FOXK1: variants seen among roughly 807,000 people sequenced by gnomAD.
FOXK1 encodes the protein forkhead box K1, also known as forkhead box protein K1.
Under a neutral mutation model 51.9 loss-of-function variants are expected in FOXK1, and 19 were observed. That is an observed-to-expected ratio of 0.37 (90% CI 0.26 to 0.54). FOXK1 has a LOEUF of 0.54. FOXK1 is among the 20% of genes least tolerant of loss of function. The probability of loss-of-function intolerance (pLI) is 0.87; values close to 1 mark genes in which losing one functional copy is unlikely to be tolerated. For missense variants in FOXK1, 870 were observed against 1,032.7 expected (o/e 0.84, Z 2.16); for synonymous variants, 537 against 482.6 (o/e 1.11, Z -1.48).
intron 1 of FOXK1, among the ~76,000 whole-genome samples, chr7:4,736,146 T>G (rs1226240329): frequency 6.6e-6 from 1 of 152,082 alleles, no homozygotes; most frequent in Non-Finnish European, 1.5e-5. Context: ...GAGACTCTGT[T>G]TCAAAAAATA....
chr7:4,757,745 G>A (rs367546792), intron 5 of FOXK1, among the ~76,000 whole-genome samples: 4 of 151,638 alleles, frequency 2.6e-5, no homozygotes, highest in Admixed American at 1.3e-4. Flanking sequence ...GTAACCTGGC[G>A]ATGATTTAAA....
At chr7:4,693,045 A>G (rs1779913790) in intron 1 of FOXK1, among the ~76,000 whole-genome samples, 1 of 152,090 alleles carries the variant, frequency 6.6e-6, no homozygotes, top group Non-Finnish European at 1.5e-5. Flanking sequence ...CTGCTATAAT[A>G]TCCGTAGATG....
chr7:4,757,664 A>AAAG (rs1780873748), intron 5 of FOXK1, among the ~76,000 whole-genome samples: 1 of 146,464 alleles, frequency 6.8e-6, no homozygotes, highest in Non-Finnish European at 1.5e-5. Context: ...AAAAAAAAAA[A>AAAG]GTAATACAAA....
At position 4,747,451 on chromosome 7, in the gene FOXK1, G is replaced by A. The variant is rs1357289001; in HGVS notation, c.746+6428G>A. 6.6e-6 allele frequency among the ~76,000 whole-genome samples: 1 copy of A among 152,180 alleles called. No homozygotes were observed. Among genetic ancestry groups the A allele is most frequent in the Non-Finnish European group, 1.5e-5 (1 of 68,024 alleles). The stretch of plus-strand genomic sequence containing the variant: ...CTGGTTATTCTCACCAGGGCAAAGT[G>A]CACTTCAGAAACAAGTTAATTTTAT... On this transcript the variant is annotated intron_variant, in intron 2 of 8. Transcript: ENST00000328914. This position sits in a 1 kb window ranked among gnomAD's most constrained non-coding sequence, Gnocchi z 9.2.
intron 7 of FOXK1, among the ~76,000 whole-genome samples, chr7:4,760,320 A>G (rs56101000): frequency 0.16 from 24,359 of 152,184 alleles, 2,238 homozygotes; most frequent in African/African-American, 0.25. Flanking sequence ...GACACTGAAC[A>G]TGCAGCTGAC....
intron 1 of FOXK1, among the ~76,000 whole-genome samples, chr7:4,700,245 C>A (rs1480721791): frequency 1.3e-5 from 2 of 152,202 alleles, no homozygotes; most frequent in African/African-American, 4.8e-5. Context: ...AGCCTCAGTA[C>A]ATACCAATAT....
At chr7:4,693,488 A>G (rs891549790) in intron 1 of FOXK1, among the ~76,000 whole-genome samples, 3 of 152,220 alleles carry the variant, frequency 2.0e-5, no homozygotes, top group Admixed American at 6.5e-5. Flanking sequence ...TACAGTTAGT[A>G]TATTTTTTTA....
At chr7:4,739,400 G>C (rs1424914636) in intron 1 of FOXK1, among the ~76,000 whole-genome samples, 1 of 151,602 alleles carries the variant, frequency 6.6e-6, no homozygotes, top group African/African-American at 2.4e-5. Flanking sequence ...GCTTTACATT[G>C]TTTTTGTTTT....
chr7:4,687,878 A>AT (rs1181183446), intron 1 of FOXK1, among the ~76,000 whole-genome samples: 3 of 152,016 alleles, frequency 2.0e-5, no homozygotes, highest in Non-Finnish European at 4.4e-5. Flanking sequence ...TCTGAAGTGA[A>AT]TGTGGTTACT....
At position 4,755,451 on chromosome 7, in the gene FOXK1, T is replaced by C. The variant is rs1312250085; in HGVS notation, c.1050+68T>C. ...TAGAACATGGAACTCACAGGCATAT[T>C]GCTTCCCTTAAAACAGAAGAGGGCC... On this transcript the variant is annotated intron_variant, in intron 4 of 8. Coordinates refer to ENST00000328914, the MANE Select transcript of FOXK1 (RefSeq NM_001037165.2). The surrounding 1 kb of genome is among the most constrained non-coding windows in gnomAD (Gnocchi z 6.6). 7 of 1,580,784 alleles carry C rather than the reference T, an allele frequency of 4.4e-6. No individual in the cohort carries two copies. In the Admixed American group the frequency reaches 1.2e-4, roughly 27 times the overall value.
rs1022148180 is a variant in FOXK1 at position 4,756,470 on chromosome 7, C to T, written c.1051-524C>T. On this transcript the variant is annotated intron_variant, in intron 4 of 8. Coordinates refer to ENST00000328914, the MANE Select transcript of FOXK1 (RefSeq NM_001037165.2). This position sits in a 1 kb window ranked among gnomAD's most constrained non-coding sequence, Gnocchi z 4.1. ...TGCTCCTAGACCAGGATCTGTCTTTCTGTTTCACTTTTTCTGTAAAGAATG... is the reference window on the plus strand; with the variant it reads ...TGCTCCTAGACCAGGATCTGTCTTTTTGTTTCACTTTTTCTGTAAAGAATG... Among the ~76,000 whole-genome samples, 8 of 150,986 alleles carry T rather than the reference C, an allele frequency of 5.3e-5. No homozygotes were observed. The highest frequency in any genetic ancestry group is 7.4e-5 in the Non-Finnish European group (5 of 67,812).
Position 4,731,652 on chromosome 7 carries a change from C to T in FOXK1, c.561-9186C>T, listed in dbSNP as rs534151462. On this transcript the variant is annotated intron_variant, in intron 1 of 8. Transcript: ENST00000328914. The surrounding 1 kb of genome is among the most constrained non-coding windows in gnomAD (Gnocchi z 5.3). ...GTGGGCACCTGTAATCCCAGCTACT[C>T]GGGAGGCTGAGGCAGGAGAATCGCT... Among the ~76,000 whole-genome samples the T allele has an allele frequency of 5.1e-4, 77 of 150,470 alleles. No individual in the cohort carries two copies. The highest frequency in any genetic ancestry group is 1.8e-3 in the African/African-American group (74 of 40,896).
chr7:4,705,379 G>T (rs1562372538), intron 1 of FOXK1, among the ~76,000 whole-genome samples: 2 of 150,992 alleles, frequency 1.3e-5, no homozygotes, highest in South Asian at 4.2e-4. Context: ...ACAGGGTCTT[G>T]GTATGTTGCC....
chr7:4,759,630 C>A (rs1381592060), intron 7 of FOXK1, 35 bp downstream of exon 7: 2 of 1,514,456 alleles, frequency 1.3e-6, no homozygotes, highest in South Asian at 1.2e-5. Flanking sequence ...TTCGCAGGAC[C>A]CTTTGTGGTG....
Position 4,733,408 on chromosome 7 carries a change from A to C in FOXK1, c.561-7430A>C, listed in dbSNP as rs535295694. ...TACGTTGCTTGTTGCTCCGTTATGCAGTGTGCCTTTATGGTCCACTGTGGC... is the reference window on the plus strand; with the variant it reads ...TACGTTGCTTGTTGCTCCGTTATGCCGTGTGCCTTTATGGTCCACTGTGGC... On this transcript the variant is annotated intron_variant, in intron 1 of 8. Transcript: ENST00000328914. This position sits in a 1 kb window ranked among gnomAD's most constrained non-coding sequence, Gnocchi z 5.0. 6.6e-6 allele frequency among the ~76,000 whole-genome samples: 1 copy of C among 152,298 alleles called. No individual in the cohort carries two copies. Among genetic ancestry groups the C allele is most frequent in the East Asian group, 1.9e-4 (1 of 5,176 alleles).
At position 4,692,939 on chromosome 7, in the gene FOXK1, G is replaced by A. The variant is rs145001067; in HGVS notation, c.560+10071G>A. 2.2e-3 allele frequency among the ~76,000 whole-genome samples: 335 copies of A among 152,002 alleles called. 2 individuals carry two copies. Among genetic ancestry groups the A allele is most frequent in the Middle Eastern group, 0.017 (5 of 294 alleles). Reference sequence around the variant, plus strand: ...TTTTTGGTTGAGATGGGGTCTTGCCGCGTTTCCCTGACTGGTCTCAAACTC... The same window carrying A: ...TTTTTGGTTGAGATGGGGTCTTGCCACGTTTCCCTGACTGGTCTCAAACTC... On this transcript the variant is annotated intron_variant, in intron 1 of 8. Coordinates refer to ENST00000328914, the MANE Select transcript of FOXK1 (RefSeq NM_001037165.2).
intron 2 of FOXK1, among the ~76,000 whole-genome samples, chr7:4,744,706 C>T (rs530466122): frequency 6.6e-5 from 10 of 152,360 alleles, no homozygotes; most frequent in South Asian, 2.1e-4. Flanking sequence ...TCAGGGGGTG[C>T]GAGCAGCTCC....
Position 4,703,977 on chromosome 7 carries a change from G to A in FOXK1, c.560+21109G>A, listed in dbSNP as rs1223472393. Among the ~76,000 whole-genome samples the A allele has an allele frequency of 1.3e-5, 2 of 152,184 alleles. No homozygotes were observed. Among genetic ancestry groups the A allele is most frequent in the African/African-American group, 2.4e-5 (1 of 41,438 alleles). ...TGCGTGTATACGTACCCCTACGTGT[G>A]GAAAACTGGCTACCGCATGCTTAAC... On this transcript the variant is annotated intron_variant, in intron 1 of 8. Coordinates refer to ENST00000328914, the MANE Select transcript of FOXK1 (RefSeq NM_001037165.2). The surrounding 1 kb of genome is among the most constrained non-coding windows in gnomAD (Gnocchi z 5.6).
Position 4,735,211 on chromosome 7 carries a change from A to C in FOXK1, c.561-5627A>C, listed in dbSNP as rs1780537146. 1.3e-5 allele frequency among the ~76,000 whole-genome samples: 2 copies of C among 152,040 alleles called. No homozygotes were observed. The highest frequency in any genetic ancestry group is 4.1e-4 in the South Asian group (2 of 4,824). On this transcript the variant is annotated intron_variant, in intron 1 of 8. Transcript: ENST00000328914. The surrounding 1 kb of genome is among the most constrained non-coding windows in gnomAD (Gnocchi z 4.7). Reference sequence around the variant, plus strand: ...TCTGTGGTCTGAGGCTGAGCCAGGCAGTGTCATCTCCAACCAAGTCACCAG... The same window carrying C: ...TCTGTGGTCTGAGGCTGAGCCAGGCCGTGTCATCTCCAACCAAGTCACCAG...
Sources: gnomAD v4.1 joint callset for allele counts (sites outside exome capture counted in the v4.1 genomes callset) on GRCh38, gnomAD v4.1.1 for gene constraint, Gnocchi (gnomAD v3.1) non-coding constraint, MANE v1.5 for transcripts, NCBI Gene and HGNC (gene_info 2026-07-23, HGNC 2026-07-21) for gene names.